Variants in TTC7A observed in about 807,000 individuals in gnomAD.
TTC7A encodes tetratricopeptide repeat domain 7A.
Under a neutral mutation model 103.7 loss-of-function variants are expected in TTC7A, and 110 were observed. The observed-to-expected ratio is 1.06, with a 90% CI of 0.91 to 1.24. TTC7A has a LOEUF of 1.24. Ranked by LOEUF, TTC7A falls within the 50% of genes most tolerant of loss-of-function variation. TTC7A has a pLI of 0.00. For missense variants in TTC7A, 1,340 were observed against 1,116.3 expected (o/e 1.20, Z -2.86); for synonymous variants, 521 against 467.9 (o/e 1.11, Z -1.47).
chr2:47,001,690 C>T (rs887922160), intron 8 of TTC7A, among the ~76,000 whole-genome samples: 1 of 152,024 alleles, frequency 6.6e-6, no homozygotes, highest in African/African-American at 2.4e-5. Context: ...AGCCCCGTCT[C>T]TACTAGAAAT....
intron 5 of TTC7A, among the ~76,000 whole-genome samples, chr2:46,980,073 C>A (rs1674285670): frequency 6.6e-6 from 1 of 152,194 alleles, no homozygotes; most frequent in African/African-American, 2.4e-5. Context: ...GCCTGTGTGC[C>A]ATTTTTAGTG....
At chr2:46,958,666 C>G in intron 3 of TTC7A, 2 of 657,644 alleles carry the variant, frequency 3.0e-6, no homozygotes, top group South Asian at 3.5e-5. Context: ...TGCCTGTCCT[C>G]CTCCCTGTCC....
At position 46,978,809 on chromosome 2, in the gene TTC7A, G is replaced by A. The variant is rs374954171; in HGVS notation, c.666G>A (p.Thr222=). The A allele has an allele frequency of 8.1e-5, 130 of 1,613,800 alleles. 1 individual carries two copies. The highest frequency in any genetic ancestry group is 1.8e-4 in the Admixed American group (11 of 59,978). ...CTTCCCAGACCACAAATAACAGCAC[G>A]TCGAGGCATCTGAAAGGCTGTCACC... ...QELEKTTNNS[T]SRHLKGCHPL... is the part of the protein sequence containing the mutation. The change falls in exon 5 of 20, where the codon ACG becomes ACA. Residue 222 remains threonine (T), a synonymous_variant. Transcript: ENST00000319190.
intron 15 of TTC7A, among the ~76,000 whole-genome samples, chr2:47,031,653 G>A (rs1680552946): frequency 6.6e-6 from 1 of 152,232 alleles, no homozygotes; most frequent in Non-Finnish European, 1.5e-5. Flanking sequence ...GAGCACCGCT[G>A]CTCTGATGGA....
chr2:46,950,288 T>A, intron 1 of TTC7A, 75 bp from the exon 2 acceptor site: 10 of 1,549,258 alleles, frequency 6.5e-6, no homozygotes, highest in Non-Finnish European at 8.8e-6. Flanking sequence ...GTTGGGTGGG[T>A]CCAGGAGTGT....
chr2:47,004,476 AT>A (rs1399207564), intron 8 of TTC7A, among the ~76,000 whole-genome samples: 2 of 152,016 alleles, frequency 1.3e-5, no homozygotes, highest in African/African-American at 4.8e-5. Flanking sequence ...CATAGGAGGG[AT>A]GGGGTAGCTC....
At chr2:46,927,884 GTTTT>G (rs566447236) in intron 2 of TTC7A, among the ~76,000 whole-genome samples, 345 of 73,252 alleles carry the variant, frequency 4.7e-3, no homozygotes, top group Non-Finnish European at 7.3e-3. Context: ...TTTTTTTGGT[GTTTT>G]TTTTTTTTTT....
At chr2:47,044,249 AC>A (rs1413823544) in intron 15 of TTC7A, among the ~76,000 whole-genome samples, 7 of 152,150 alleles carry the variant, frequency 4.6e-5, no homozygotes, top group Non-Finnish European at 1.0e-4. Flanking sequence ...CTTCCCCTGT[AC>A]TGAGTCTGAT....
chr2:46,938,734 C>G (rs1256470980), upstream of TTC7A, among the ~76,000 whole-genome samples: 2 of 152,148 alleles, frequency 1.3e-5, no homozygotes, highest in Non-Finnish European at 2.9e-5. Flanking sequence ...ACTTTGGAGG[C>G]TGGGCAGGGT....
chr2:46,979,122 A>G (rs771965717), intron 5 of TTC7A, among the ~76,000 whole-genome samples: 4 of 152,170 alleles, frequency 2.6e-5, no homozygotes, highest in Non-Finnish European at 5.9e-5. Flanking sequence ...CACAGAAGCA[A>G]TAAAGCCTGT....
chr2:47,045,160 G>C (rs546494083), intron 15 of TTC7A, among the ~76,000 whole-genome samples: 1 of 152,226 alleles, frequency 6.6e-6, no homozygotes, highest in South Asian at 2.1e-4. Context: ...AGGTGCTGCC[G>C]TCTGGCCCTC....
intron 15 of TTC7A, among the ~76,000 whole-genome samples, chr2:47,040,744 T>G (rs1322267938): frequency 1.3e-5 from 2 of 152,092 alleles, no homozygotes; most frequent in Non-Finnish European, 2.9e-5. Context: ...TACTTAGAGG[T>G]CATCACAGTT....
At chr2:47,073,405 C>T (rs922460627) in intron 19 of TTC7A, among the ~76,000 whole-genome samples, 19 of 152,156 alleles carry the variant, frequency 1.2e-4, no homozygotes, top group African/African-American at 4.3e-4. Context: ...CTAGGATCCC[C>T]CAAACAGTGT....
Position 47,023,429 on chromosome 2 carries a change from A to G in TTC7A, c.1532A>G (p.Asp511Gly), listed in dbSNP as rs139416474. Residue 511 changes from aspartate to glycine, a missense_variant, in exon 13 of 20, where the codon GAT (aspartate) becomes GGT (glycine). Physicochemically the swap from Asp to Gly is moderately conservative, Grantham distance 94 (BLOSUM62 -1). Transcript: ENST00000319190. ...GCAGCCACCCTGAAGTCCAAGCAAGATGAATTGCACCGGAAGGCACTGCAG... is the reference window on the plus strand; with the variant it reads ...GCAGCCACCCTGAAGTCCAAGCAAGGTGAATTGCACCGGAAGGCACTGCAG... ...ATDATLKSKQ[D>G]ELHRKALQTL... The G allele has an allele frequency of 5.3e-5, 85 of 1,614,096 alleles. No individual in the cohort carries two copies. In the African/African-American group the frequency reaches 1.1e-3, roughly 20 times the overall value.
chr2:47,013,926 G>A (rs1270264379), intron 11 of TTC7A, among the ~76,000 whole-genome samples: 2 of 152,180 alleles, frequency 1.3e-5, no homozygotes, highest in Middle Eastern at 3.2e-3. Context: ...TGTCCCATGG[G>A]TGGCCCGAGA....
chr2:46,990,085 G>T (rs1675470792), intron 5 of TTC7A, among the ~76,000 whole-genome samples: 2 of 152,202 alleles, frequency 1.3e-5, no homozygotes, highest in Admixed American at 1.3e-4. Flanking sequence ...GCCCTAGGCA[G>T]CCCCGGGGTC....
chr2:47,050,154 GC>G, intron 17 of TTC7A, 108 bp downstream of exon 17: 1 of 938,400 alleles, frequency 1.1e-6, no homozygotes, highest in Non-Finnish European at 1.7e-6. Context: ...GCCGGGCCAA[GC>G]CCACCACTGG....
intron 2 of TTC7A, among the ~76,000 whole-genome samples, chr2:46,953,481 C>T (rs578108846): frequency 6.6e-6 from 1 of 152,088 alleles, no homozygotes; most frequent in Non-Finnish European, 1.5e-5. Flanking sequence ...TCTATCTCAC[C>T]CGCAAAGATC....
intron 5 of TTC7A, among the ~76,000 whole-genome samples, chr2:46,983,046 G>A (rs566180750): frequency 6.6e-6 from 1 of 152,228 alleles, no homozygotes; most frequent in Non-Finnish European, 1.5e-5. Flanking sequence ...ATTATCATTT[G>A]TTTTATTATT....
Sources: gnomAD v4.1 joint callset for allele counts (sites outside exome capture counted in the v4.1 genomes callset) on GRCh38, gnomAD v4.1.1 for gene constraint, MANE v1.5 for transcripts, NCBI Gene and HGNC (gene_info 2026-07-23, HGNC 2026-07-21) for gene names.